ANTXR2: variants seen among roughly 807,000 people sequenced by gnomAD.
The protein encoded by ANTXR2 is anthrax toxin receptor 2.
ANTXR2 carries 44 observed loss-of-function variants against 73.7 expected under a neutral mutation model. The ratio of observed to expected loss-of-function variants is 0.60; its 90% confidence interval spans 0.47 to 0.77. ANTXR2 has a LOEUF of 0.77. Ranked by LOEUF, ANTXR2 falls within the 30% of genes least tolerant of loss-of-function variation. The pLI is 0.00. For synonymous variants in ANTXR2, 217 were observed against 205.9 expected (o/e 1.05, Z -0.46); for missense variants, 604 against 592.5 (o/e 1.02, Z -0.20).
intron 12 of ANTXR2, among the ~76,000 whole-genome samples, chr4:79,986,609 G>A (rs1313711746): frequency 6.6e-6 from 1 of 152,112 alleles, no homozygotes; most frequent in Non-Finnish European, 1.5e-5. Flanking sequence ...GCTCCCCGCT[G>A]CCCTGTTGGT....
intron 3 of ANTXR2, among the ~76,000 whole-genome samples, chr4:80,061,157 A>C (rs751171824): frequency 3.3e-5 from 5 of 152,152 alleles, no homozygotes; most frequent in Admixed American, 6.5e-5. Flanking sequence ...ACCATGCCTT[A>C]ATAAATCTTA....
intron 3 of ANTXR2, among the ~76,000 whole-genome samples, chr4:80,064,822 G>A (rs771685956): frequency 6.6e-6 from 1 of 152,198 alleles, no homozygotes; most frequent in Non-Finnish European, 1.5e-5. Context: ...GATGTTGCAG[G>A]AGAGGACTGG....
intron 12 of ANTXR2, among the ~76,000 whole-genome samples, chr4:80,004,836 C>T (rs1000149529): frequency 1.3e-5 from 2 of 152,014 alleles, no homozygotes; most frequent in African/African-American, 4.8e-5. Context: ...TGCATGACCT[C>T]TGGAGCTGCC....
At chr4:79,943,845 A>G (rs557990822) in intron 16 of ANTXR2, among the ~76,000 whole-genome samples, 1 of 152,116 alleles carries the variant, frequency 6.6e-6, no homozygotes, top group South Asian at 2.1e-4. Flanking sequence ...CTAGTTTTTA[A>G]TCATAAATGA....
intron 12 of ANTXR2, among the ~76,000 whole-genome samples, chr4:79,997,076 A>AT (rs1309814047): frequency 2.0e-5 from 3 of 151,706 alleles, no homozygotes; most frequent in Non-Finnish European, 2.9e-5. Flanking sequence ...AAAAAAAAAA[A>AT]GTTAGCTGCT....
chr4:79,977,663 C>T lies in ANTXR2; in HGVS notation c.1386G>A (p.Gln462=), dbSNP rs560214425. The stretch of plus-strand genomic sequence containing the variant: ...GTCGCATCAAAGAAACCCGGTCATA[C>T]TGCCGCCTCAACAAAGCCCAGAGAG... ...LDALWALLRR[Q]YDRVSLMRPQ... The change falls in exon 16 of 17, where the codon CAG becomes CAA. Residue 462 remains glutamine (Q), a synonymous_variant. Coordinates refer to ENST00000403729, the MANE Select transcript of ANTXR2 (RefSeq NM_058172.6). 2.5e-6 allele frequency: 4 copies of T among 1,581,860 alleles called. No individual in the cohort carries two copies. The highest frequency in any genetic ancestry group is 2.3e-5 in the South Asian group (2 of 86,100).
chr4:80,035,859 G>C (rs1732929614), intron 8 of ANTXR2, 113 bp downstream of exon 8: 2 of 830,676 alleles, frequency 2.4e-6, no homozygotes, highest in Non-Finnish European at 3.7e-6. Context: ...CAAAAAAGAT[G>C]CCAAAAAAGT....
rs1734134377 is a variant in ANTXR2, at chr4:80,059,244, C to T, written c.297-3231G>A. Among the ~76,000 whole-genome samples, 2 of 151,874 alleles carry T rather than the reference C, an allele frequency of 1.3e-5. 1 individual carries two copies. The highest frequency in any genetic ancestry group is 4.1e-4 in the South Asian group (2 of 4,820). On this transcript the variant is annotated intron_variant, in intron 3 of 16. Coordinates refer to ENST00000403729, the MANE Select transcript of ANTXR2 (RefSeq NM_058172.6). ...AATGTTATATTAAAGCCCTGGTTTTCTTTAATTGAGAATTGGGGGACCAAA... is the reference window on the plus strand; with the variant it reads ...AATGTTATATTAAAGCCCTGGTTTTTTTTAATTGAGAATTGGGGGACCAAA...
intron 3 of ANTXR2, among the ~76,000 whole-genome samples, chr4:80,066,580 A>T (rs979017223): frequency 2.6e-5 from 4 of 152,226 alleles, no homozygotes; most frequent in Non-Finnish European, 4.4e-5. Flanking sequence ...TTCTTCTCTG[A>T]TCATTAAAAT....
chr4:79,922,189 T>A (rs1168927686), intron 16 of ANTXR2, among the ~76,000 whole-genome samples: 2 of 152,158 alleles, frequency 1.3e-5, no homozygotes, highest in Non-Finnish European at 2.9e-5. Flanking sequence ...CAGCATGAAA[T>A]CCCTACTTCT....
In ANTXR2 at chr4:79,977,569, T is replaced by A. The variant is rs903640467; in HGVS notation, c.1428+52A>T. On this transcript the variant is annotated intron_variant, in intron 16 of 16. Coordinates refer to ENST00000403729, the MANE Select transcript of ANTXR2 (RefSeq NM_058172.6). ...TTTTATTACTATTTCCCTGCCTCCA[T>A]TATACTGACTCAAGCAGTTAGCTCT... 4 of 1,546,294 alleles carry A rather than the reference T, an allele frequency of 2.6e-6. No homozygotes were observed. The African/African-American group carries it at 5.5e-5, about 21-fold the overall frequency.
chr4:79,965,037 C>T (rs1729311315), intron 16 of ANTXR2: 1 of 152,180 alleles, frequency 6.6e-6, no homozygotes, highest in African/African-American at 2.4e-5. Context: ...TGATCAAGGA[C>T]TTCAATTCAG....
intron 11 of ANTXR2, 147 bp downstream of exon 11, chr4:80,018,751 T>A: frequency 1.6e-6 from 1 of 639,386 alleles, no homozygotes; most frequent in Non-Finnish European, 2.5e-6. Context: ...CCAAAACGAA[T>A]TCTATACAAA....
intron 16 of ANTXR2, among the ~76,000 whole-genome samples, chr4:79,936,744 TTAAAC>T (rs1248724452): frequency 3.3e-5 from 5 of 152,138 alleles, no homozygotes; most frequent in Admixed American, 2.0e-4. Flanking sequence ...TGCACAATAT[TTAAAC>T]TAATTCACTT....
At chr4:80,067,161 A>C (rs1734539143) in intron 3 of ANTXR2, among the ~76,000 whole-genome samples, 1 of 151,578 alleles carries the variant, frequency 6.6e-6, no homozygotes, top group Non-Finnish European at 1.5e-5. Flanking sequence ...AGCCAAGATC[A>C]TGCCATTGCA....
chr4:79,907,604 A>ATT, intron 16 of ANTXR2, 137 bp from the exon 17 acceptor site: 1 of 911,634 alleles, frequency 1.1e-6, no homozygotes, highest in Non-Finnish European at 1.6e-6. Flanking sequence ...TGAAGTCATA[A>ATT]TTTTTTTTTC....
intron 12 of ANTXR2, among the ~76,000 whole-genome samples, chr4:80,003,587 A>C (rs927188510): frequency 2.3e-4 from 35 of 152,054 alleles, no homozygotes; most frequent in African/African-American, 7.0e-4. Flanking sequence ...TAAAATAAAA[A>C]GAAAATGGAC....
intron 16 of ANTXR2, among the ~76,000 whole-genome samples, chr4:79,918,096 T>G (rs1727425518): frequency 6.6e-6 from 1 of 152,018 alleles, no homozygotes; most frequent in Non-Finnish European, 1.5e-5. Flanking sequence ...TTGATTGGTG[T>G]TAAAGTAGAA....
intron 11 of ANTXR2, among the ~76,000 whole-genome samples, chr4:80,017,827 C>T (rs1046814352): frequency 1.3e-5 from 2 of 151,886 alleles, no homozygotes; most frequent in Non-Finnish European, 2.9e-5. Flanking sequence ...GCAACATGCG[C>T]TAGAAATGGG....
Sources: allele counts gnomAD v4.1 joint callset (sites outside exome capture counted in the v4.1 genomes callset), GRCh38; gene constraint gnomAD v4.1.1; transcripts MANE v1.5; gene names NCBI Gene and HGNC (gene_info 2026-07-23, HGNC 2026-07-21).